TNIP3: variants seen among roughly 807,000 people sequenced by gnomAD.
TNIP3 encodes the protein TNFAIP3-interacting protein 3.
Under a neutral mutation model 54.1 loss-of-function variants are expected in TNIP3, and 34 were observed. The ratio of observed to expected loss-of-function variants is 0.63; its 90% CI spans 0.48 to 0.84. The LOEUF (loss-of-function observed/expected upper bound fraction) is 0.84, where lower values mean the gene tolerates loss of function less well. Ranked by LOEUF, TNIP3 falls within the 40% of genes least tolerant of loss-of-function variation. The pLI, the probability that TNIP3 is intolerant of heterozygous loss-of-function variation, is 0.00. For synonymous variants in TNIP3, 134 were observed against 136.8 expected (o/e 0.98, Z 0.14); for missense variants, 366 against 387.6 (o/e 0.94, Z 0.47).
At chr4:121,186,307 G>A (rs1725016252) in intron 2 of TNIP3, among the ~76,000 whole-genome samples, 2 of 152,190 alleles carry the variant, frequency 1.3e-5, no homozygotes, top group African/African-American at 4.8e-5. Context: ...GAGCACTCAG[G>A]AATCCAGCTG....
chr4:121,174,367 C>T (rs1327461244), intron 3 of TNIP3, among the ~76,000 whole-genome samples: 1 of 151,818 alleles, frequency 6.6e-6, no homozygotes, highest in Non-Finnish European at 1.5e-5. Flanking sequence ...ATTGCACCAC[C>T]ATACTCCAGC....
chr4:121,182,814 G>A, intron 2 of TNIP3: 1 of 1,533,714 alleles, frequency 6.5e-7, no homozygotes, highest in Non-Finnish European at 8.7e-7. Flanking sequence ...GAAAGACATG[G>A]GAAAGTTACA....
At chr4:121,182,808 G>A (rs1443521410) in intron 2 of TNIP3, 2 of 1,533,870 alleles carry the variant, frequency 1.3e-6, no homozygotes, top group East Asian at 2.4e-5. Context: ...TGCCCAGAAA[G>A]ACATGGGAAA....
upstream of TNIP3, among the ~76,000 whole-genome samples, chr4:121,219,869 C>T (rs967902303): frequency 6.6e-6 from 1 of 152,148 alleles, no homozygotes; most frequent in Non-Finnish European, 1.5e-5. Flanking sequence ...AAATGTGTTT[C>T]TTTCTGGGTC....
intron 3 of TNIP3, among the ~76,000 whole-genome samples, chr4:121,179,524 G>A (rs1724557254): frequency 1.3e-5 from 2 of 152,178 alleles, no homozygotes; most frequent in African/African-American, 4.8e-5. Flanking sequence ...TTTCAATGAT[G>A]TGTGCAAAGA....
chr4:121,155,930 T>C (rs762092140), intron 4 of TNIP3, among the ~76,000 whole-genome samples: 15 of 152,182 alleles, frequency 9.9e-5, no homozygotes, highest in Non-Finnish European at 2.1e-4. Context: ...AATGAACATA[T>C]ACACTTAGAA....
chr4:121,157,123 G>C lies in TNIP3; in HGVS notation c.334C>G (p.Leu112Val), dbSNP rs747992211. 1 of 1,607,436 alleles carries C rather than the reference G, an allele frequency of 6.2e-7. No individual in the cohort carries two copies. Among genetic ancestry groups the C allele is most frequent in the Non-Finnish European group, 8.5e-7 (1 of 1,174,388 alleles). Reference sequence around the variant, plus strand: ...TCCCGCTGCAGCCGGTCCCGGGTCAGGTCGCGCTGCCTGTCGTCCTCTCTC... The same window carrying C: ...TCCCGCTGCAGCCGGTCCCGGGTCACGTCGCGCTGCCTGTCGTCCTCTCTC... ...RQREDDRQRD[L>V]TRDRLQREEK... Residue 112 changes from leucine to valine, a missense_variant, in exon 4 of 11, where the codon CTG becomes GTG. By Grantham distance (32) the Leu-to-Val change is conservative (BLOSUM62 1). Transcript: ENST00000057513.
upstream of TNIP3, among the ~76,000 whole-genome samples, chr4:121,220,521 A>G (rs1419793453): frequency 2.0e-5 from 3 of 152,198 alleles, no homozygotes; most frequent in Non-Finnish European, 4.4e-5. Flanking sequence ...CCATCATCCA[A>G]TTCAAATTTG....
intron 3 of TNIP3, among the ~76,000 whole-genome samples, chr4:121,171,365 A>C (rs1181868964): frequency 1.3e-5 from 2 of 152,216 alleles, no homozygotes; most frequent in Non-Finnish European, 2.9e-5. Flanking sequence ...AGAGGGGTGG[A>C]TAGATGGATG....
intron 5 of TNIP3, among the ~76,000 whole-genome samples, chr4:121,151,790 A>G (rs1729776051): frequency 6.6e-6 from 1 of 152,210 alleles, no homozygotes; most frequent in Admixed American, 6.5e-5. Flanking sequence ...TGAGTCATAA[A>G]TGAAAGATGA....
At chr4:121,142,652 C>G (rs371152966) in intron 8 of TNIP3, 74 bp downstream of exon 8, 47 of 1,363,364 alleles carry the variant, frequency 3.4e-5, no homozygotes, top group Non-Finnish European at 4.7e-5. Context: ...AGAGCTTGAA[C>G]ATGTCTTTAA....
At chr4:121,214,151 C>T (rs983499253) in intron 2 of TNIP3, among the ~76,000 whole-genome samples, 7 of 152,066 alleles carry the variant, frequency 4.6e-5, no homozygotes, top group Admixed American at 1.3e-4. Flanking sequence ...TGTTGGCTCT[C>T]GCCTCTTGTC....
chr4:121,194,629 T>C (rs1725468063), intron 2 of TNIP3, among the ~76,000 whole-genome samples: 1 of 152,114 alleles, frequency 6.6e-6, no homozygotes, highest in African/African-American at 2.4e-5. Flanking sequence ...GAAAATGAAA[T>C]GAAATACTCC....
At chr4:121,182,967 T>A (rs1359034720) in intron 2 of TNIP3, among the ~76,000 whole-genome samples, 2 of 152,224 alleles carry the variant, frequency 1.3e-5, no homozygotes, top group Admixed American at 1.3e-4. Flanking sequence ...ATGAGAGCAC[T>A]TTGAAAGAGC....
rs150970817 is a variant in TNIP3 at position 121,206,835 on chromosome 4, G to T, written c.68+9580C>A. 1.3e-4 allele frequency among the ~76,000 whole-genome samples: 20 copies of T among 152,246 alleles called. No homozygotes were observed. The East Asian group carries it at 3.9e-3, about 29-fold the overall frequency. On this transcript the variant is annotated intron_variant, in intron 2 of 12. Transcript: ENST00000507879. ...TCCACTTGCCTCAGCCTCCCAAAGT[G>T]CTAGGATTACAGGTGTGAGCCACTG...
intron 2 of TNIP3, among the ~76,000 whole-genome samples, chr4:121,205,868 T>C (rs893616716): frequency 3.9e-5 from 6 of 152,152 alleles, no homozygotes; most frequent in African/African-American, 1.2e-4. Context: ...AGAGGTTTAA[T>C]TGACTCACAG....
At position 121,142,973 on chromosome 4, in the gene TNIP3, C is replaced by T. The variant is rs535733483; in HGVS notation, c.736-197G>A. On this transcript the variant is annotated intron_variant, in intron 7 of 10. Transcript: ENST00000057513. The stretch of plus-strand genomic sequence containing the variant: ...TGAAAAATGTGATAGTTTTAAATTG[C>T]TATTCCAGTTTTTTGAGGCCATTAC... Among the ~76,000 whole-genome samples, 3 of 152,240 alleles carry T rather than the reference C, an allele frequency of 2.0e-5. No homozygotes were observed. In the South Asian group the frequency reaches 6.2e-4, roughly 32 times the overall value.
At chr4:121,174,320 G>A (rs958957962) in intron 3 of TNIP3, among the ~76,000 whole-genome samples, 1 of 152,036 alleles carries the variant, frequency 6.6e-6, no homozygotes, top group Non-Finnish European at 1.5e-5. Flanking sequence ...CTGGGGAATC[G>A]TGTGAGCCCA....
rs772302879 is a variant in TNIP3 at position 121,227,425 on chromosome 4, G to A, written c.-38C>T. ...AAGTCCTTCTCAGATCTAGGTAAGCGTATTACAAGGTCTAATACGGAGACC... is the reference window on the plus strand; with the variant it reads ...AAGTCCTTCTCAGATCTAGGTAAGCATATTACAAGGTCTAATACGGAGACC... On this transcript the variant is annotated 5_prime_UTR_variant, in exon 1 of 13. Coordinates refer to the TNIP3 transcript ENST00000509841. 479 of 1,528,494 alleles carry A rather than the reference G, an allele frequency of 3.1e-4. 2 individuals carry two copies. The highest frequency in any genetic ancestry group is 4.1e-4 in the Non-Finnish European group (462 of 1,140,558). 94.7% of individuals were successfully genotyped at this position (1,528,494 alleles called of 1,614,324 possible).
Sources: gnomAD v4.1 joint callset for allele counts (sites outside exome capture counted in the v4.1 genomes callset) on GRCh38, gnomAD v4.1.1 for gene constraint, MANE v1.5 for transcripts, NCBI Gene and HGNC (gene_info 2026-07-23, HGNC 2026-07-21) for gene names.